Variants in MCC observed in about 807,000 individuals in gnomAD.
The protein encoded by MCC is MCC regulator of Wnt signaling pathway.
A neutral mutation model predicts 116.2 loss-of-function variants in MCC; 90 were observed. The observed-to-expected ratio is 0.77, with a 90% CI of 0.65 to 0.92. MCC has a LOEUF of 0.92. Ranked by LOEUF, MCC falls within the 40% of genes least tolerant of loss-of-function variation. MCC has a pLI of 0.00. For synonymous variants in MCC, 578 were observed against 510.5 expected (o/e 1.13, Z -1.78); for missense variants, 1,516 against 1,312.2 (o/e 1.16, Z -2.40).
chr5:113,115,575 C>T (rs1402772551), intron 6 of MCC, among the ~76,000 whole-genome samples: 1 of 152,276 alleles, frequency 6.6e-6, no homozygotes, highest in East Asian at 1.9e-4. Flanking sequence ...CGAGCCTCTA[C>T]TGACCTTGGT....
intron 2 of MCC, among the ~76,000 whole-genome samples, chr5:113,359,121 G>C (rs1389078869): frequency 6.6e-6 from 1 of 152,086 alleles, no homozygotes; most frequent in Non-Finnish European, 1.5e-5. Flanking sequence ...CTGTCTTCAG[G>C]AAGTGAGCTT....
At chr5:113,044,337 T>C (rs1751927149) in intron 16 of MCC, 1 of 237,790 alleles carries the variant, frequency 4.2e-6, no homozygotes, top group South Asian at 1.5e-4. Context: ...ACCCTGCAGA[T>C]GAGGAAACTT....
At chr5:113,447,009 C>T (rs1771240320) in intron 1 of MCC, among the ~76,000 whole-genome samples, 1 of 152,162 alleles carries the variant, frequency 6.6e-6, no homozygotes, top group Non-Finnish European at 1.5e-5. Flanking sequence ...ACCCTCCCCT[C>T]ATCTTCCTTT....
intron 2 of MCC, among the ~76,000 whole-genome samples, chr5:113,383,794 C>T (rs898156083): frequency 8.5e-5 from 13 of 152,166 alleles, no homozygotes; most frequent in African/African-American, 1.9e-4. Context: ...AAGGTAGTAA[C>T]GCATGGAGTG....
At chr5:113,328,110 C>T (rs147438005) in intron 3 of MCC, among the ~76,000 whole-genome samples, 74 of 152,192 alleles carry the variant, frequency 4.9e-4, no homozygotes, top group Middle Eastern at 6.8e-3. Context: ...CTTATAAATA[C>T]GACTTACCTC....
At chr5:113,281,311 C>A (rs190670646) in intron 3 of MCC, among the ~76,000 whole-genome samples, 6 of 152,094 alleles carry the variant, frequency 3.9e-5, no homozygotes, top group Admixed American at 3.3e-4. Context: ...GATAAAACTT[C>A]TACAGTAATT....
intron 1 of MCC, among the ~76,000 whole-genome samples, chr5:113,413,125 T>C (rs1290831077): frequency 2.0e-5 from 3 of 152,188 alleles, no homozygotes; most frequent in African/African-American, 7.2e-5. Flanking sequence ...TGAAGCCCAC[T>C]TGATCATGGT....
chr5:113,340,564 G>A lies in MCC; in HGVS notation c.582C>T (p.His194=), dbSNP rs761375835. 1 of 1,614,172 alleles carries A rather than the reference G, an allele frequency of 6.2e-7. No individual in the cohort carries two copies. Among genetic ancestry groups the A allele is most frequent in the Non-Finnish European group, 8.5e-7 (1 of 1,180,022 alleles). The change falls in exon 3 of 19, where the codon CAC becomes CAT. Residue 194 remains histidine (H), a synonymous_variant. Coordinates refer to ENST00000408903, the MANE Select transcript of MCC (RefSeq NM_001085377.2). ...ALHKLLTQSP[H]IGNSVGGSYL... Reference sequence around the variant, plus strand: ...AGCTTCCTCCTACAGAGTTGCCAATGTGCGGGGACTGTGTGAGCAGTTTGT... The same window carrying A: ...AGCTTCCTCCTACAGAGTTGCCAATATGCGGGGACTGTGTGAGCAGTTTGT...
At chr5:113,388,333 A>C (rs1433177368) in intron 1 of MCC, among the ~76,000 whole-genome samples, 1 of 152,218 alleles carries the variant, frequency 6.6e-6, no homozygotes, top group Non-Finnish European at 1.5e-5. Flanking sequence ...CAAAATTAAC[A>C]ATAATAACTA....
chr5:113,127,914 C>T (rs566098658), intron 5 of MCC, among the ~76,000 whole-genome samples: 113 of 152,312 alleles, frequency 7.4e-4, no homozygotes, highest in Non-Finnish European at 3.4e-4. Flanking sequence ...GAAATCCTTG[C>T]CCTTGCCTCC....
rs374240917 is a variant in MCC, at chr5:113,068,113, G to T, written c.1996C>A (p.Gln666Lys). ...GACCCCACGCCCGCCGCTCGGAACTGCCCCAGGATGAGGCTCTGCTCACTC... is the reference window on the plus strand; with the variant it reads ...GACCCCACGCCCGCCGCTCGGAACTTCCCCAGGATGAGGCTCTGCTCACTC... ...AESEQSLILG[Q>K]FRAAGVGSSP... The change falls in exon 13 of 19, where the codon CAG (glutamine) becomes AAG (lysine). Residue 666 changes from glutamine to lysine, a missense_variant. Transcript: ENST00000408903. The T allele has an allele frequency of 5.5e-5, 89 of 1,614,056 alleles. No homozygotes were observed. The highest frequency in any genetic ancestry group is 7.0e-5 in the Non-Finnish European group (83 of 1,180,034).
intron 3 of MCC, among the ~76,000 whole-genome samples, chr5:113,311,541 C>T (rs9326883): frequency 0.087 from 13,261 of 152,252 alleles, 1,357 homozygotes; most frequent in African/African-American, 0.25. Context: ...AGAACAGCAG[C>T]TGCCCTGCCG....
chr5:113,161,166 AAC>A (rs1413006578), intron 3 of MCC, among the ~76,000 whole-genome samples: 1 of 152,202 alleles, frequency 6.6e-6, no homozygotes, highest in East Asian at 1.9e-4. Flanking sequence ...TTTGGAAAGA[AAC>A]ACAGACAAAA....
chr5:113,325,533 C>A (rs889532637), intron 3 of MCC, among the ~76,000 whole-genome samples: 2 of 150,808 alleles, frequency 1.3e-5, no homozygotes, highest in African/African-American at 2.4e-5. Flanking sequence ...GACTTCCCTG[C>A]AAAGTCTTTT....
intron 3 of MCC, among the ~76,000 whole-genome samples, chr5:113,337,006 T>A (rs1581409209): frequency 6.6e-6 from 1 of 152,248 alleles, no homozygotes; most frequent in East Asian, 1.9e-4. Flanking sequence ...CAGCTTTCTT[T>A]GTCCTGTTTT....
At chr5:113,167,790 C>T (rs1290906615) in intron 3 of MCC, among the ~76,000 whole-genome samples, 1 of 151,986 alleles carries the variant, frequency 6.6e-6, no homozygotes, top group Non-Finnish European at 1.5e-5. Context: ...GCCACCATGC[C>T]CGACTAATTT....
chr5:113,449,061 G>T (rs1443526227), intron 1 of MCC, among the ~76,000 whole-genome samples: 1 of 152,144 alleles, frequency 6.6e-6, no homozygotes, highest in African/African-American at 2.4e-5. Context: ...GTCTCTACTG[G>T]TCATCAGGAA....
intron 3 of MCC, among the ~76,000 whole-genome samples, chr5:113,193,240 C>T (rs1238815205): frequency 2.0e-5 from 3 of 152,006 alleles, no homozygotes; most frequent in Non-Finnish European, 2.9e-5. Flanking sequence ...ACTGGGCCTA[C>T]CTGGATAATA....
At chr5:113,292,317 T>C (rs1406018083) in intron 3 of MCC, among the ~76,000 whole-genome samples, 3 of 151,810 alleles carry the variant, frequency 2.0e-5, no homozygotes, top group African/African-American at 7.3e-5. Context: ...CTAACATTGA[T>C]TGGAAAGAGG....
Sources: gnomAD v4.1 joint callset for allele counts (sites outside exome capture counted in the v4.1 genomes callset) on GRCh38, gnomAD v4.1.1 for gene constraint, MANE v1.5 for transcripts, NCBI Gene and HGNC (gene_info 2026-07-23, HGNC 2026-07-21) for gene names.